TSNARE1: variants seen among roughly 807,000 people sequenced by gnomAD.
TSNARE1 encodes the protein t-SNARE domain containing 1.
Under a neutral mutation model 62.0 loss-of-function variants are expected in TSNARE1, and 49 were observed. The observed-to-expected ratio is 0.79, with a 90% CI of 0.63 to 1.00. The LOEUF (loss-of-function observed/expected upper bound fraction) is 1.00, where lower values mean the gene tolerates loss of function less well. Ranked by LOEUF, TSNARE1 falls within the 50% of genes least tolerant of loss-of-function variation. The pLI, the probability that TSNARE1 is intolerant of heterozygous loss-of-function variation, is 0.00. For missense variants in TSNARE1, 755 were observed against 700.1 expected, an observed-to-expected ratio of 1.08 and a Z score of -0.88; for synonymous variants, 328 against 294.4, an observed-to-expected ratio of 1.11 and a Z score of -1.17.
intron 11 of TSNARE1, among the ~76,000 whole-genome samples, chr8:142,284,004 A>C (rs1290342656): frequency 7.3e-6 from 1 of 136,268 alleles, no homozygotes; most frequent in Admixed American, 7.2e-5. Context: ...GTGTCTGTCG[A>C]TGAGCAGGGT....
At chr8:142,273,768 AC>A in intron 12 of TSNARE1, 5 of 984,680 alleles carry the variant, frequency 5.1e-6, no homozygotes, top group Non-Finnish European at 6.0e-6. Flanking sequence ...CTCATTCTCC[AC>A]CCAGTCAGGC....
intron 1 of TSNARE1, among the ~76,000 whole-genome samples, chr8:142,391,377 A>G (rs113262826): frequency 8.5e-5 from 10 of 117,184 alleles, no homozygotes; most frequent in South Asian, 3.0e-4. Context: ...ACACTGCGGG[A>G]GACTCTGTAA....
At chr8:142,271,134 G>A in intron 12 of TSNARE1, 2 of 986,898 alleles carry the variant, frequency 2.0e-6, no homozygotes, top group Non-Finnish European at 2.4e-6. Flanking sequence ...AAGACCTCGA[G>A]CCCCGAGTGG....
At chr8:142,370,766 C>A (rs1472410944) in intron 1 of TSNARE1, among the ~76,000 whole-genome samples, 1 of 151,618 alleles carries the variant, frequency 6.6e-6, no homozygotes. Flanking sequence ...AAAAGAATTA[C>A]AGCTGACTTT....
intron 6 of TSNARE1, among the ~76,000 whole-genome samples, chr8:142,324,183 A>G (rs1408542870): frequency 1.3e-5 from 2 of 152,256 alleles, no homozygotes; most frequent in East Asian, 3.8e-4. Flanking sequence ...CAGAGCCAAA[A>G]GAAACCAAGT....
At chr8:142,364,052 G>C (rs1274106634) in intron 1 of TSNARE1, among the ~76,000 whole-genome samples, 1 of 152,164 alleles carries the variant, frequency 6.6e-6, no homozygotes, top group Non-Finnish European at 1.5e-5. Flanking sequence ...ACCTGGGGAG[G>C]GAAAATCACT....
At chr8:142,229,903 C>G (rs549311980) in intron 12 of TSNARE1, among the ~76,000 whole-genome samples, 1 of 152,264 alleles carries the variant, frequency 6.6e-6, no homozygotes, top group East Asian at 1.9e-4. Flanking sequence ...TGTTTCTCTT[C>G]TTGGTACCTT....
chr8:142,378,828 G>T (rs1359884175), intron 1 of TSNARE1, among the ~76,000 whole-genome samples: 1 of 152,190 alleles, frequency 6.6e-6, no homozygotes, highest in East Asian at 1.9e-4. Context: ...ACGGGCACGG[G>T]TGTGTTGCCA....
intron 12 of TSNARE1, chr8:142,274,278 GACC>G: frequency 1.0e-6 from 1 of 985,412 alleles, no homozygotes; most frequent in Non-Finnish European, 1.2e-6. Flanking sequence ...TTCTTGTGGT[GACC>G]ACAAGTCAGC....
chr8:142,282,189 G>C (rs1328910678), intron 11 of TSNARE1, among the ~76,000 whole-genome samples: 1 of 152,162 alleles, frequency 6.6e-6, no homozygotes, highest in Non-Finnish European at 1.5e-5. Flanking sequence ...GGCCAGGCCT[G>C]CACGTTCCCA....
chr8:142,354,298 G>A (rs886223646), intron 2 of TSNARE1, among the ~76,000 whole-genome samples: 10 of 152,052 alleles, frequency 6.6e-5, no homozygotes, highest in South Asian at 2.1e-4. Flanking sequence ...GCTCCACACC[G>A]TCATTAGGAA....
chr8:142,316,020 T>C (rs1184808959), intron 7 of TSNARE1, among the ~76,000 whole-genome samples: 1 of 152,178 alleles, frequency 6.6e-6, no homozygotes, highest in Non-Finnish European at 1.5e-5. Flanking sequence ...CCAACTCTGC[T>C]CTCACCCCAC....
At chr8:142,371,784 A>G (rs895352833) in intron 1 of TSNARE1, among the ~76,000 whole-genome samples, 2 of 152,178 alleles carry the variant, frequency 1.3e-5, no homozygotes, top group Non-Finnish European at 2.9e-5. Context: ...AAGAGTATGA[A>G]TACAAATTTT....
intron 12 of TSNARE1, chr8:142,269,882 A>G: frequency 5.1e-6 from 5 of 985,438 alleles, no homozygotes; most frequent in Non-Finnish European, 6.0e-6. Flanking sequence ...TCTTTCATAG[A>G]CAAGTTACTG....
intron 12 of TSNARE1, among the ~76,000 whole-genome samples, chr8:142,234,790 G>A (rs1295963011): frequency 1.3e-5 from 2 of 151,978 alleles, no homozygotes; most frequent in East Asian, 1.9e-4. Context: ...AGGGGGAGAC[G>A]CCCAAGCCTA....
chr8:142,297,397 G>A (rs900440840), intron 10 of TSNARE1, among the ~76,000 whole-genome samples: 1 of 152,234 alleles, frequency 6.6e-6, no homozygotes, highest in Non-Finnish European at 1.5e-5. Flanking sequence ...CTGGGCCTCA[G>A]CTGGCCCGTG....
intron 9 of TSNARE1, among the ~76,000 whole-genome samples, chr8:142,305,480 G>A (rs1324426346): frequency 3.3e-5 from 5 of 152,150 alleles, no homozygotes; most frequent in Non-Finnish European, 5.9e-5. Context: ...CAGGAAGGCG[G>A]CAGGGCTGGG....
intron 4 of TSNARE1, among the ~76,000 whole-genome samples, chr8:142,337,024 T>C (rs529025535): frequency 6.6e-6 from 1 of 151,730 alleles, no homozygotes; most frequent in Non-Finnish European, 1.5e-5. Context: ...TGTATAGCAA[T>C]AAATACTTAG....
At chr8:142,279,789 C>T in intron 11 of TSNARE1, 2 of 821,740 alleles carry the variant, frequency 2.4e-6, no homozygotes, top group Non-Finnish European at 2.9e-6. Context: ...AGGCTCAAGC[C>T]CACTCGCCGG....
Sources: allele counts gnomAD v4.1 joint callset (sites outside exome capture counted in the v4.1 genomes callset), GRCh38; gene constraint gnomAD v4.1.1; transcripts MANE v1.5; gene names NCBI Gene and HGNC (gene_info 2026-07-23, HGNC 2026-07-21).